TLK2: variants seen among roughly 807,000 people sequenced by gnomAD.
TLK2 encodes serine/threonine-protein kinase tousled-like 2.
TLK2 carries 6 observed loss-of-function variants against 117.3 expected under a neutral mutation model. That is an observed-to-expected ratio of 0.05 (90% CI 0.03 to 0.10). The LOEUF is 0.10. TLK2 is among the 10% of genes least tolerant of loss of function. The pLI, the probability that TLK2 is intolerant of heterozygous loss-of-function variation, is 1.00. For missense variants in TLK2, 299 were observed against 901.2 expected (o/e 0.33, Z 8.56); for synonymous variants, 257 against 316.7 (o/e 0.81, Z 2.00).
upstream of TLK2, among the ~76,000 whole-genome samples, chr17:62,474,066 T>C (rs1034004593): frequency 2.7e-4 from 41 of 152,074 alleles, no homozygotes; most frequent in Non-Finnish European, 5.6e-4. Flanking sequence ...CATCTAACTT[T>C]TGTATTTTTT....
intron 9 of TLK2, among the ~76,000 whole-genome samples, chr17:62,557,166 C>T (rs1228212767): frequency 6.6e-6 from 1 of 152,318 alleles, no homozygotes; most frequent in East Asian, 1.9e-4. Context: ...CTCAAGCAAA[C>T]CTCCTACCTT....
At chr17:62,605,479 C>T (rs2083219208) in intron 19 of TLK2, among the ~76,000 whole-genome samples, 1 of 152,000 alleles carries the variant, frequency 6.6e-6, no homozygotes, top group East Asian at 1.9e-4. Flanking sequence ...CTCCGGTGAT[C>T]CTCCCGCCTC....
At chr17:62,598,115 C>A (rs2082612696) in intron 17 of TLK2, among the ~76,000 whole-genome samples, 1 of 152,192 alleles carries the variant, frequency 6.6e-6, no homozygotes, top group Admixed American at 6.5e-5. Context: ...TGGCACTGAG[C>A]TTAGCCATGT....
At chr17:62,568,823 G>A (rs1007301658) in intron 11 of TLK2, among the ~76,000 whole-genome samples, 1 of 151,898 alleles carries the variant, frequency 6.6e-6, no homozygotes, top group African/African-American at 2.4e-5. Flanking sequence ...GACCTCAAGT[G>A]ATCCACCCAC....
chr17:62,529,887 T>C (rs546913434), intron 6 of TLK2, among the ~76,000 whole-genome samples: 1 of 152,248 alleles, frequency 6.6e-6, no homozygotes, highest in East Asian at 1.9e-4. Context: ...CTGTCTTTGG[T>C]GTTTCTCTTA....
chr17:62,544,768 G>T lies in TLK2; in HGVS notation c.532-7534G>T, dbSNP rs182390521. Reference sequence around the variant, plus strand: ...AACCAGATAGGATTTGATAGCAATTGTGTTGAATCCGTAGATCAATTTGAG... The same window carrying T: ...AACCAGATAGGATTTGATAGCAATTTTGTTGAATCCGTAGATCAATTTGAG... On this transcript the variant is annotated intron_variant, in intron 7 of 21. Coordinates refer to ENST00000346027, the MANE Select transcript of TLK2 (RefSeq NM_006852.6). Among the ~76,000 whole-genome samples, 623 of 152,300 alleles carry T rather than the reference G, an allele frequency of 4.1e-3. 7 individuals carry two copies. Among genetic ancestry groups the T allele is most frequent in the African/African-American group, 0.014 (597 of 41,562 alleles).
At chr17:62,522,154 C>A in intron 3 of TLK2, 50 bp from the exon 4 acceptor site, 1 of 1,584,908 alleles carries the variant, frequency 6.3e-7, no homozygotes, top group Non-Finnish European at 8.6e-7. Flanking sequence ...TTTTTCCTAA[C>A]GTGAAAAATT....
chr17:62,578,423 C>A, intron 13 of TLK2, 54 bp from the exon 14 acceptor site: 2 of 1,424,466 alleles, frequency 1.4e-6, no homozygotes, highest in Non-Finnish European at 2.0e-6. Flanking sequence ...AAATAAGATC[C>A]CGAAAAGGTA....
intron 2 of TLK2, among the ~76,000 whole-genome samples, chr17:62,499,483 C>T (rs561387444): frequency 2.0e-5 from 3 of 152,108 alleles, no homozygotes; most frequent in East Asian, 1.9e-4. Context: ...ACCTACTAAT[C>T]GTGCTCAGTA....
chr17:62,567,465 T>C (rs1411626671), intron 11 of TLK2, among the ~76,000 whole-genome samples: 1 of 152,196 alleles, frequency 6.6e-6, no homozygotes, highest in East Asian at 1.9e-4. Context: ...TTTACCATTT[T>C]AAGTCATATA....
intron 9 of TLK2, among the ~76,000 whole-genome samples, chr17:62,559,655 C>T (rs1263542460): frequency 1.3e-5 from 2 of 151,998 alleles, no homozygotes; most frequent in African/African-American, 2.4e-5. Flanking sequence ...TAGGATTGCA[C>T]GCATGAGCCA....
intron 11 of TLK2, among the ~76,000 whole-genome samples, chr17:62,570,378 C>T (rs771864165): frequency 3.3e-5 from 5 of 152,034 alleles, no homozygotes; most frequent in African/African-American, 4.8e-5. Flanking sequence ...TGATGAAGGG[C>T]GAGCGCTCTC....
intron 2 of TLK2, among the ~76,000 whole-genome samples, chr17:62,498,578 G>GT (rs2073919895): frequency 6.6e-6 from 1 of 151,598 alleles, no homozygotes; most frequent in African/African-American, 2.4e-5. Flanking sequence ...TTTAGTAGAG[G>GT]TGGGGTTTTG....
intron 16 of TLK2, among the ~76,000 whole-genome samples, chr17:62,595,539 G>C (rs1487509830): frequency 2.0e-5 from 3 of 151,454 alleles, no homozygotes; most frequent in African/African-American, 7.3e-5. Context: ...CAGGTGATAG[G>C]AATTTTTCAC....
intron 16 of TLK2, among the ~76,000 whole-genome samples, chr17:62,594,703 G>T (rs956568583): frequency 6.6e-6 from 1 of 152,098 alleles, no homozygotes; most frequent in Non-Finnish European, 1.5e-5. Context: ...CCCACTCAGG[G>T]TTGAGGGTGG....
chr17:62,580,363 A>G (rs957116453), intron 15 of TLK2, among the ~76,000 whole-genome samples, 171 bp downstream of exon 15: 1 of 152,162 alleles, frequency 6.6e-6, no homozygotes, highest in Non-Finnish European at 1.5e-5. Flanking sequence ...CTAAGTGACC[A>G]AGCAGAATAC....
chr17:62,499,353 C>T (rs1031587842), intron 2 of TLK2, among the ~76,000 whole-genome samples: 8 of 150,944 alleles, frequency 5.3e-5, no homozygotes, highest in East Asian at 2.0e-4. Flanking sequence ...AAAAAAAGGA[C>T]GGTGTTTTGC....
intron 2 of TLK2, among the ~76,000 whole-genome samples, chr17:62,509,703 T>C (rs1186623914): frequency 6.6e-6 from 1 of 152,180 alleles, no homozygotes; most frequent in Non-Finnish European, 1.5e-5. Flanking sequence ...TAAAGAGAGC[T>C]CCTCCTCTCA....
intron 7 of TLK2, among the ~76,000 whole-genome samples, chr17:62,545,382 A>G (rs899548095): frequency 3.9e-5 from 6 of 152,194 alleles, no homozygotes; most frequent in African/African-American, 1.4e-4. Context: ...TTAAAAAGGT[A>G]TCATCCAGTT....
Sources: allele counts gnomAD v4.1 joint callset (sites outside exome capture counted in the v4.1 genomes callset), GRCh38; gene constraint gnomAD v4.1.1; transcripts MANE v1.5; gene names NCBI Gene and HGNC (gene_info 2026-07-23, HGNC 2026-07-21).